The following MED27 variants were observed in gnomAD, a reference collection of about 807,000 sequenced individuals.
MED27 encodes the protein mediator of RNA polymerase II transcription subunit 27.
MED27 carries 30 observed loss-of-function variants against 38.2 expected under a neutral mutation model. That is an observed-to-expected ratio of 0.79 (90% CI 0.59 to 1.07). The LOEUF is 1.07. Among genes scored for constraint, MED27 ranks in the 50% least tolerant of loss-of-function variants. The pLI, the probability that MED27 is intolerant of heterozygous loss-of-function variation, is 0.00. For missense variants in MED27, 289 were observed against 397.5 expected, an observed-to-expected ratio of 0.73 and a Z score of 2.32; for synonymous variants, 122 against 153.5, an observed-to-expected ratio of 0.79 and a Z score of 1.52.
At chr9:131,944,796 T>C (rs1013403520) in intron 3 of MED27, among the ~76,000 whole-genome samples, 1 of 152,056 alleles carries the variant, frequency 6.6e-6, no homozygotes, top group Non-Finnish European at 1.5e-5. Flanking sequence ...CCTCCCAAAG[T>C]GTTGGGATTA....
chr9:132,042,574 C>T (rs1016206691), intron 2 of MED27, among the ~76,000 whole-genome samples: 3 of 152,204 alleles, frequency 2.0e-5, no homozygotes, highest in Non-Finnish European at 4.4e-5. Flanking sequence ...AATCTGCATT[C>T]ACCGTGAGTC....
At chr9:132,064,554 T>C (rs1457938180) in intron 2 of MED27, among the ~76,000 whole-genome samples, 1 of 152,234 alleles carries the variant, frequency 6.6e-6, no homozygotes, top group Non-Finnish European at 1.5e-5. Flanking sequence ...TAGTGTTCTC[T>C]TCCAATCAAT....
At chr9:131,988,649 C>T (rs895805685) in intron 3 of MED27, among the ~76,000 whole-genome samples, 2 of 151,348 alleles carry the variant, frequency 1.3e-5, no homozygotes, top group African/African-American at 2.4e-5. Context: ...CTTTTTTTTG[C>T]GGGGGGATTG....
chr9:132,062,548 T>G (rs1048209403), intron 2 of MED27, among the ~76,000 whole-genome samples: 1 of 152,012 alleles, frequency 6.6e-6, no homozygotes, highest in Non-Finnish European at 1.5e-5. Context: ...GAGCCAGACC[T>G]GGACCACATA....
chr9:132,002,729 T>C (rs1832265712), intron 3 of MED27, among the ~76,000 whole-genome samples: 1 of 151,914 alleles, frequency 6.6e-6, no homozygotes, highest in Non-Finnish European at 1.5e-5. Flanking sequence ...CCAACCAACA[T>C]GGTGAAACCC....
chr9:132,040,122 T>C (rs1833174721), intron 2 of MED27, among the ~76,000 whole-genome samples: 1 of 152,228 alleles, frequency 6.6e-6, no homozygotes, highest in African/African-American at 2.4e-5. Context: ...TTCAAAATGC[T>C]GTCAGCTACA....
At chr9:131,867,292 A>G (rs1486607889) in intron 6 of MED27, among the ~76,000 whole-genome samples, 1 of 152,058 alleles carries the variant, frequency 6.6e-6, no homozygotes, top group African/African-American at 2.4e-5. Flanking sequence ...GCTCTGGTCT[A>G]CCTCTAAGGT....
At position 131,884,012 on chromosome 9, in the gene MED27, C is replaced by T. The variant is rs373868781; in HGVS notation, c.723+46G>A. 58 of 1,550,090 alleles carry T rather than the reference C, an allele frequency of 3.7e-5. 1 individual carries two copies. In the Middle Eastern group the frequency reaches 3.8e-3, roughly 102 times the overall value. On this transcript the variant is annotated intron_variant, in intron 6 of 7. Coordinates refer to ENST00000292035, the MANE Select transcript of MED27 (RefSeq NM_004269.4). ...CAATGTTTAAACCTCAAAGCATTCA[C>T]GTTTTCCTAATGCCGCTTGAGTAAG...
At position 131,883,917 on chromosome 9, in the gene MED27, T is replaced by G. The variant is rs963727873; in HGVS notation, c.723+141A>C. ...GTTTTTTTCCAGAATGTCATACATA[T>G]GGAATCAGACAGTGAGCATCCTTTT... On this transcript the variant is annotated intron_variant, in intron 6 of 7. Transcript: ENST00000292035. The surrounding 1 kb of genome is among the most constrained non-coding windows in gnomAD (Gnocchi z 4.2). 20 of 677,652 alleles carry G rather than the reference T, an allele frequency of 3.0e-5. 1 individual carries two copies. The Admixed American group carries it at 6.2e-4, about 21-fold the overall frequency. The allele number at this position is 677,652 out of a possible 1,614,324, so 42.0% of individuals were successfully genotyped here.
Position 131,894,005 on chromosome 9 carries a change from A to G in MED27, c.574-13T>C. 6.2e-7 allele frequency: 1 copy of G among 1,605,134 alleles called. No individual in the cohort carries two copies. Among genetic ancestry groups the G allele is most frequent in the South Asian group, 1.1e-5 (1 of 90,886 alleles). ...TTCCCAAGGTCACCTGCCAAAACAC[A>G]TGTAAGCTGACACTTGAACACGCAA... is the stretch of plus-strand genomic sequence containing the variant. On this transcript the variant is annotated splice_polypyrimidine_tract_variant and intron_variant, in intron 4 of 7. Coordinates refer to ENST00000292035, the MANE Select transcript of MED27 (RefSeq NM_004269.4).
chr9:132,019,901 T>C (rs1832683544), intron 2 of MED27, among the ~76,000 whole-genome samples: 1 of 152,222 alleles, frequency 6.6e-6, no homozygotes, highest in Admixed American at 6.5e-5. Flanking sequence ...ATGATAGAAC[T>C]CTTCACTCTG....
At chr9:131,956,946 A>T (rs1348933170) in intron 3 of MED27, among the ~76,000 whole-genome samples, 1 of 152,200 alleles carries the variant, frequency 6.6e-6, no homozygotes, top group Non-Finnish European at 1.5e-5. Context: ...AGCACCTAAA[A>T]GGAGGCTCAA....
chr9:132,048,685 C>G (rs937096395), intron 2 of MED27, among the ~76,000 whole-genome samples: 1 of 152,224 alleles, frequency 6.6e-6, no homozygotes, highest in African/African-American at 2.4e-5. Flanking sequence ...CAGCTCGGTT[C>G]ATCAACCGCT....
intron 2 of MED27, among the ~76,000 whole-genome samples, chr9:132,020,873 A>C (rs1832702844): frequency 6.6e-6 from 1 of 152,204 alleles, no homozygotes; most frequent in African/African-American, 2.4e-5. Flanking sequence ...AAAACACCTT[A>C]GACTTGAGCT....
In MED27 at chr9:132,077,668, C is replaced by G. The variant is rs1589308426; in HGVS notation, c.204-82G>C. On this transcript the variant is annotated intron_variant, in intron 1 of 7. Coordinates refer to ENST00000292035, the MANE Select transcript of MED27 (RefSeq NM_004269.4). ...AGCCAGCCCCCAGGATCAAAGACTG[C>G]TCTTCAAACCATCCATCAGAAGTCC... 15 of 1,392,762 alleles carry G rather than the reference C, an allele frequency of 1.1e-5. No individual in the cohort carries two copies. In the East Asian group the frequency reaches 3.6e-4, roughly 33 times the overall value. 86.3% of individuals were successfully genotyped at this position (1,392,762 alleles called of 1,614,324 possible). A position where few individuals can be genotyped will look rare whatever the true frequency, so the allele number is the denominator to read the frequency against.
intron 5 of MED27, among the ~76,000 whole-genome samples, chr9:131,892,429 A>G (rs1839243697): frequency 6.6e-6 from 1 of 152,228 alleles, no homozygotes; most frequent in South Asian, 2.1e-4. Context: ...CATGCAAAGT[A>G]GGTAAATTTC....
intron 3 of MED27, among the ~76,000 whole-genome samples, chr9:131,976,069 G>A (rs2131020610): frequency 6.6e-6 from 1 of 152,270 alleles, no homozygotes. Context: ...GGGCTGTAAG[G>A]GCACAGAGAG....
At chr9:132,032,376 C>T (rs1033441657) in intron 2 of MED27, among the ~76,000 whole-genome samples, 2 of 151,984 alleles carry the variant, frequency 1.3e-5, no homozygotes, top group African/African-American at 4.8e-5. Context: ...CTGGTCTGTA[C>T]TTTGGCAAAA....
intron 4 of MED27, among the ~76,000 whole-genome samples, chr9:131,906,865 T>C (rs1417928424): frequency 6.6e-6 from 1 of 151,592 alleles, no homozygotes; most frequent in Non-Finnish European, 1.5e-5. Flanking sequence ...AAAGAAGGAG[T>C]GGATTATTCA....
Sources: allele counts gnomAD v4.1 joint callset (sites outside exome capture counted in the v4.1 genomes callset), GRCh38; gene constraint gnomAD v4.1.1; non-coding constraint Gnocchi (gnomAD v3.1); transcripts MANE v1.5; gene names NCBI Gene and HGNC (gene_info 2026-07-23, HGNC 2026-07-21).